The following CTNNA3 variants were observed in gnomAD, a reference collection of about 807,000 sequenced individuals.
The protein encoded by CTNNA3 is catenin alpha 3.
In CTNNA3, 76 loss-of-function variants were observed where a neutral mutation model predicts 95.7. The ratio of observed to expected loss-of-function variants is 0.79; its 90% CI spans 0.66 to 0.96. The LOEUF (loss-of-function observed/expected upper bound fraction) is 0.96. Ranked by LOEUF, CTNNA3 falls within the 40% of genes least tolerant of loss-of-function variation. The pLI, the probability that CTNNA3 is intolerant of heterozygous loss-of-function variation, is 0.00. For missense variants in CTNNA3, 1,191 were observed against 1,089.8 expected (o/e 1.09, Z -1.31); for synonymous variants, 431 against 374.4 (o/e 1.15, Z -1.74).
At chr10:67,631,967 G>A (rs1379995348) in intron 2 of CTNNA3, among the ~76,000 whole-genome samples, 1 of 152,126 alleles carries the variant, frequency 6.6e-6, no homozygotes, top group Non-Finnish European at 1.5e-5. Context: ...AGGTGCTAGC[G>A]AATTGGGGAA....
intron 3 of CTNNA3, among the ~76,000 whole-genome samples, chr10:67,540,998 TA>T (rs1840668248): frequency 6.6e-6 from 1 of 151,966 alleles, no homozygotes; most frequent in Non-Finnish European, 1.5e-5. Context: ...TTATGAGTAT[TA>T]AATAAGAGTA....
At chr10:66,447,183 A>C (rs1265211460) in intron 11 of CTNNA3, among the ~76,000 whole-genome samples, 1 of 152,172 alleles carries the variant, frequency 6.6e-6, no homozygotes, top group Non-Finnish European at 1.5e-5. Flanking sequence ...AGAGGATACA[A>C]ACAAATGGAA....
chr10:67,652,986 T>C (rs10450295), intron 1 of CTNNA3, among the ~76,000 whole-genome samples: 38,857 of 152,142 alleles, frequency 0.26, 8,395 homozygotes, highest in African/African-American at 0.57. Flanking sequence ...GCTATTCTTG[T>C]ATTGCTATAA....
At chr10:67,091,949 C>T (rs1283875628) in intron 7 of CTNNA3, among the ~76,000 whole-genome samples, 1 of 151,866 alleles carries the variant, frequency 6.6e-6, no homozygotes, top group East Asian at 1.9e-4. Flanking sequence ...GACTGAAATG[C>T]CTATTTCTTA....
In CTNNA3 at chr10:67,539,684, C is replaced by T; in HGVS notation, c.293-15G>A. On this transcript the variant is annotated splice_polypyrimidine_tract_variant and intron_variant, in intron 3 of 17. Coordinates refer to ENST00000433211, the MANE Select transcript of CTNNA3 (RefSeq NM_013266.4). ...CAGAGCTTCACCTGAAAAATACAAC[C>T]CCATATAAGTTATACTTTAAGTTTC... 1.9e-6 allele frequency: 3 copies of T among 1,610,996 alleles called. No homozygotes were observed. Among genetic ancestry groups the T allele is most frequent in the Middle Eastern group, 3.3e-4 (2 of 6,024 alleles).
At chr10:67,133,762 A>G (rs1194050350) in intron 7 of CTNNA3, among the ~76,000 whole-genome samples, 1 of 152,126 alleles carries the variant, frequency 6.6e-6, no homozygotes, top group East Asian at 1.9e-4. Context: ...CCTAACATGT[A>G]ACCATATGAA....
chr10:66,195,188 C>G (rs1158890728), intron 13 of CTNNA3, among the ~76,000 whole-genome samples: 7 of 151,850 alleles, frequency 4.6e-5, no homozygotes, highest in Admixed American at 2.6e-4. Flanking sequence ...GAGAACAGAT[C>G]AAGAGCTTCC....
chr10:67,110,321 A>G (rs1858857095), intron 7 of CTNNA3, among the ~76,000 whole-genome samples: 1 of 152,232 alleles, frequency 6.6e-6, no homozygotes, highest in African/African-American at 2.4e-5. Flanking sequence ...TATTCCAATT[A>G]AGAGGCTCAA....
intron 7 of CTNNA3, among the ~76,000 whole-genome samples, chr10:66,794,480 G>A (rs894890542): frequency 6.6e-6 from 1 of 152,104 alleles, no homozygotes; most frequent in African/African-American, 2.4e-5. Flanking sequence ...TCTAAAAAAT[G>A]TACATACCTT....
chr10:65,999,209 G>C (rs2078723272), intron 15 of CTNNA3, among the ~76,000 whole-genome samples: 1 of 152,106 alleles, frequency 6.6e-6, no homozygotes, highest in African/African-American at 2.4e-5. Context: ...TTATTTCAAT[G>C]CATCTCTAGA....
intron 11 of CTNNA3, among the ~76,000 whole-genome samples, chr10:66,403,326 A>C (rs1178813693): frequency 2.0e-5 from 3 of 152,090 alleles, no homozygotes; most frequent in Admixed American, 2.0e-4. Flanking sequence ...TTACACCTCT[A>C]TAAAGACATA....
At chr10:66,628,871 A>G (rs1456504572) in intron 9 of CTNNA3, among the ~76,000 whole-genome samples, 1 of 152,142 alleles carries the variant, frequency 6.6e-6, no homozygotes, top group African/African-American at 2.4e-5. Flanking sequence ...ATATAGTTAG[A>G]TGTGTAGTTA....
chr10:67,521,953 C>T lies in CTNNA3; in HGVS notation c.468G>A (p.Arg156=). 1.2e-6 allele frequency: 2 copies of T among 1,609,174 alleles called. No homozygotes were observed. The highest frequency in any genetic ancestry group is 2.2e-5 in the South Asian group (2 of 90,474). Residue 156 remains arginine, a synonymous_variant, in exon 5 of 18, where the codon AGG becomes AGA. Transcript: ENST00000433211. ...CLLQHVSAFQ[R]TFESLKNVAN... Reference sequence around the variant, plus strand: ...CAACATTTTTGAGAGACTCAAATGTCCTTTGAAACTGAAATTGAAAACAAA... The same window carrying T: ...CAACATTTTTGAGAGACTCAAATGTTCTTTGAAACTGAAATTGAAAACAAA...
chr10:66,338,691 GA>G (rs2092422460), intron 12 of CTNNA3, among the ~76,000 whole-genome samples: 1 of 151,856 alleles, frequency 6.6e-6, no homozygotes, highest in Admixed American at 6.6e-5. Flanking sequence ...AAAGATCAGG[GA>G]GGCAGGTTGT....
rs560218087 is a variant in CTNNA3 at position 66,117,055 on chromosome 10, T to G, written c.1885-13806A>C. On this transcript the variant is annotated intron_variant, in intron 13 of 17. Coordinates refer to ENST00000433211, the MANE Select transcript of CTNNA3 (RefSeq NM_013266.4). Reference sequence around the variant, plus strand: ...TCCATTTATATAACATTCTAAAACTTGCCAGTCAATCTGTAGTGGCAGAAA... The same window carrying G: ...TCCATTTATATAACATTCTAAAACTGGCCAGTCAATCTGTAGTGGCAGAAA... Among the ~76,000 whole-genome samples the G allele has an allele frequency of 3.3e-5, 5 of 152,222 alleles. No individual in the cohort carries two copies. In the South Asian group the frequency reaches 1.0e-3, roughly 32 times the overall value.
intron 10 of CTNNA3, among the ~76,000 whole-genome samples, chr10:66,582,041 C>T (rs796395986): frequency 3.9e-5 from 6 of 151,908 alleles, no homozygotes; most frequent in African/African-American, 1.4e-4. Context: ...GATTTGGTTA[C>T]GTTAGCCTTG....
In CTNNA3 at chr10:66,592,505, T is replaced by C. The variant is rs978177305; in HGVS notation, c.1374+29187A>G. ...CACAAATATATAATTGAAGACCACA[T>C]TGATAAAATGTATCATTGTATCAGA... On this transcript the variant is annotated intron_variant, in intron 10 of 17. Coordinates refer to ENST00000433211, the MANE Select transcript of CTNNA3 (RefSeq NM_013266.4). Among the ~76,000 whole-genome samples, 5 of 152,284 alleles carry C rather than the reference T, an allele frequency of 3.3e-5. No homozygotes were observed. In the South Asian group the frequency reaches 1.0e-3, roughly 32 times the overall value.
chr10:66,302,229 T>A (rs531411852), intron 12 of CTNNA3, among the ~76,000 whole-genome samples: 1 of 152,134 alleles, frequency 6.6e-6, no homozygotes, highest in East Asian at 1.9e-4. Context: ...ATGGTCTAGA[T>A]GTCAGTCTTT....
At chr10:67,485,656 C>T (rs1848417882) in intron 5 of CTNNA3, among the ~76,000 whole-genome samples, 1 of 152,166 alleles carries the variant, frequency 6.6e-6, no homozygotes. Flanking sequence ...TTTACTTTCT[C>T]ATCCTTGGCT....
Sources: allele counts gnomAD v4.1 joint callset (sites outside exome capture counted in the v4.1 genomes callset), GRCh38; gene constraint gnomAD v4.1.1; transcripts MANE v1.5; gene names NCBI Gene and HGNC (gene_info 2026-07-23, HGNC 2026-07-21).